The following IRF2 variants were observed in gnomAD, a reference collection of about 807,000 sequenced individuals.
IRF2 encodes interferon regulatory factor 2.
A neutral mutation model predicts 40.6 loss-of-function variants in IRF2; 15 were observed. The ratio of observed to expected loss-of-function variants is 0.37; its 90% confidence interval spans 0.25 to 0.57. IRF2 has a LOEUF of 0.57. IRF2 is among the 20% of genes least tolerant of loss of function. The pLI is 0.77. For missense variants in IRF2, 317 were observed against 455.7 expected, an observed-to-expected ratio of 0.70 and a Z score of 2.77; for synonymous variants, 151 against 165.5, an observed-to-expected ratio of 0.91 and a Z score of 0.67.
intron 5 of IRF2, among the ~76,000 whole-genome samples, chr4:184,409,486 G>A (rs959716983): frequency 2.6e-5 from 4 of 152,248 alleles, no homozygotes; most frequent in South Asian, 2.1e-4. Context: ...CAGATGTCCC[G>A]AAGGTCCAGC....
intron 6 of IRF2, among the ~76,000 whole-genome samples, chr4:184,402,582 T>C (rs1369080636): frequency 1.3e-5 from 2 of 152,072 alleles, no homozygotes; most frequent in Non-Finnish European, 2.9e-5. Context: ...GGAGAGGCGC[T>C]CAGGGACTCT....
At chr4:184,440,252 G>A (rs554234663) in intron 1 of IRF2, among the ~76,000 whole-genome samples, 9 of 152,190 alleles carry the variant, frequency 5.9e-5, no homozygotes, top group African/African-American at 1.2e-4. Context: ...CCATGCTCCC[G>A]CGGCAGCCTG....
chr4:184,473,005 T>C (rs1342517602), intron 1 of IRF2, among the ~76,000 whole-genome samples: 1 of 151,918 alleles, frequency 6.6e-6, no homozygotes, highest in East Asian at 1.9e-4. Context: ...CCCGCGACCC[T>C]TGGAACTTGG....
rs1476352735 is a variant in IRF2 at position 184,474,341 on chromosome 4, AAC to A, written c.-7+36_-7+37del. On this transcript the variant is annotated intron_variant, in intron 1 of 8. Transcript: ENST00000393593. The surrounding 1 kb of genome is among the most constrained non-coding windows in gnomAD (Gnocchi z 5.6). ...TCCCCAGAAACATGCCCTCGAGAGA[AAC>A]ACACACAGTCACAACTATTATTTGA... 1 of 152,634 alleles carries A rather than the reference AAC, an allele frequency of 6.6e-6. No homozygotes were observed. Among genetic ancestry groups the A allele is most frequent in the Non-Finnish European group, 1.5e-5 (1 of 68,380 alleles). The allele number at this position is 152,634 out of a possible 1,614,324, so 9.5% of individuals were successfully genotyped here.
At chr4:184,424,160 G>C (rs779219712) in intron 2 of IRF2, among the ~76,000 whole-genome samples, 16 of 152,032 alleles carry the variant, frequency 1.1e-4, no homozygotes, top group Admixed American at 9.8e-4. Flanking sequence ...TTGTCATTGG[G>C]CTACTCAAAC....
chr4:184,444,842 G>A (rs535961625), intron 1 of IRF2, among the ~76,000 whole-genome samples: 3 of 152,308 alleles, frequency 2.0e-5, no homozygotes, highest in Non-Finnish European at 2.9e-5. Flanking sequence ...GTTGACCATG[G>A]GTAACTGTAA....
intron 1 of IRF2, among the ~76,000 whole-genome samples, chr4:184,434,706 G>A (rs186870295): frequency 6.6e-6 from 1 of 152,304 alleles, no homozygotes; most frequent in East Asian, 1.9e-4. Flanking sequence ...TATAAGGCAT[G>A]CAAGCTATTC....
At chr4:184,440,117 T>C (rs548095817) in intron 1 of IRF2, among the ~76,000 whole-genome samples, 8 of 152,372 alleles carry the variant, frequency 5.3e-5, no homozygotes, top group Admixed American at 3.3e-4. Context: ...ACCTCTCTGC[T>C]GACATTTTCT....
chr4:184,449,139 G>C (rs765271287), intron 1 of IRF2: 1 of 152,668 alleles, frequency 6.6e-6, no homozygotes, highest in African/African-American at 2.4e-5. Flanking sequence ...TGCTCTCCTC[G>C]GCCCCCAACC....
rs990242717 is a variant in IRF2, at chr4:184,408,680, G to A, written c.412-405C>T. Among the ~76,000 whole-genome samples the A allele has an allele frequency of 2.6e-5, 4 of 152,224 alleles. No homozygotes were observed. Among genetic ancestry groups the A allele is most frequent in the African/African-American group, 4.8e-5 (2 of 41,444 alleles). On this transcript the variant is annotated intron_variant, in intron 5 of 8. Transcript: ENST00000393593. The surrounding 1 kb of genome is among the most constrained non-coding windows in gnomAD (Gnocchi z 4.9). The stretch of plus-strand genomic sequence containing the variant: ...CTGGCTTTCACCAGGGAGGAATCAT[G>A]CTACCTCTTTCATAATTATTTCTTA...
intron 1 of IRF2, among the ~76,000 whole-genome samples, chr4:184,446,677 A>G (rs793788): frequency 0.93 from 141,412 of 152,274 alleles, 66,576 homozygotes; most frequent in East Asian, 1. Context: ...CATATATCTC[A>G]ATAAACACAG....
In IRF2 at chr4:184,408,149, A is replaced by G. The variant is rs1415654283; in HGVS notation, c.529+9T>C. 6.5e-7 allele frequency: 1 copy of G among 1,538,356 alleles called. No individual in the cohort carries two copies. On this transcript the variant is annotated intron_variant, in intron 6 of 8. Transcript: ENST00000393593. This position sits in a 1 kb window ranked among gnomAD's most constrained non-coding sequence, Gnocchi z 4.9. ...TATGTATAAAAAATGAGACGTCAAA[A>G]CAGTTTACCTATGATGTTCACCGTA...
chr4:184,452,283 G>T (rs983036195), intron 1 of IRF2, among the ~76,000 whole-genome samples: 5 of 152,178 alleles, frequency 3.3e-5, no homozygotes, highest in Non-Finnish European at 5.9e-5. Context: ...AAATTATACC[G>T]CTGCACAAAG....
At chr4:184,440,726 G>C (rs962741472) in intron 1 of IRF2, among the ~76,000 whole-genome samples, 3 of 152,230 alleles carry the variant, frequency 2.0e-5, no homozygotes, top group South Asian at 4.1e-4. Context: ...ACAGAGAAAA[G>C]AGATCTGCGA....
chr4:184,466,948 A>G lies in IRF2; in HGVS notation c.-7+7431T>C, dbSNP rs147120772. Among the ~76,000 whole-genome samples, 6 of 152,310 alleles carry G rather than the reference A, an allele frequency of 3.9e-5. No homozygotes were observed. In the East Asian group the frequency reaches 1.2e-3, roughly 29 times the overall value. On this transcript the variant is annotated intron_variant, in intron 1 of 8. Transcript: ENST00000393593. ...TAGCAAAAGGTAAAAGTATGATATT[A>G]TCATCTTATGGGGCCACAGTCATGT...
chr4:184,430,949 A>C (rs1737856152), intron 1 of IRF2, among the ~76,000 whole-genome samples: 1 of 151,374 alleles, frequency 6.6e-6, no homozygotes, highest in Non-Finnish European at 1.5e-5. Flanking sequence ...TCCCACCTTG[A>C]CCTCCCAAAG....
chr4:184,453,344 T>C (rs1331828085), intron 1 of IRF2, among the ~76,000 whole-genome samples: 1 of 152,240 alleles, frequency 6.6e-6, no homozygotes, highest in Admixed American at 6.5e-5. Flanking sequence ...AGCATCTAGA[T>C]GGCATCAGCC....
At chr4:184,431,904 A>G (rs1045160811) in intron 1 of IRF2, 5 of 152,186 alleles carry the variant, frequency 3.3e-5, no homozygotes, top group African/African-American at 9.7e-5. Flanking sequence ...AAATAGTTCA[A>G]AAAGCCATAT....
chr4:184,409,409 T>G (rs1222375534), intron 5 of IRF2, among the ~76,000 whole-genome samples: 2 of 152,102 alleles, frequency 1.3e-5, no homozygotes, highest in African/African-American at 2.4e-5. Context: ...CTTAATAACA[T>G]GACTTCAAAG....
Sources: gnomAD v4.1 joint callset for allele counts (sites outside exome capture counted in the v4.1 genomes callset) on GRCh38, gnomAD v4.1.1 for gene constraint, Gnocchi (gnomAD v3.1) non-coding constraint, MANE v1.5 for transcripts, NCBI Gene and HGNC (gene_info 2026-07-23, HGNC 2026-07-21) for gene names.